Variants in BICC1 observed in about 807,000 individuals in gnomAD.
BICC1 encodes BicC family RNA binding protein 1.
Under a neutral mutation model 111.0 loss-of-function variants are expected in BICC1, and 43 were observed. The observed-to-expected ratio is 0.39, with a 90% CI of 0.30 to 0.50. BICC1 has a LOEUF of 0.50. BICC1 is among the 20% of genes least tolerant of loss of function. BICC1 has a pLI of 0.88. For missense variants in BICC1, 1,091 were observed against 1,203.2 expected (o/e 0.91, Z 1.38); for synonymous variants, 467 against 434.4 (o/e 1.07, Z -0.93).
At chr10:58,737,530 G>A (rs1259721217) in intron 3 of BICC1, among the ~76,000 whole-genome samples, 5 of 152,088 alleles carry the variant, frequency 3.3e-5, no homozygotes, top group African/African-American at 1.2e-4. Context: ...CCAAGTCTTC[G>A]CTATTGTGAA....
chr10:58,530,345 T>C (rs1281134032), intron 1 of BICC1, among the ~76,000 whole-genome samples: 1 of 151,868 alleles, frequency 6.6e-6, no homozygotes, highest in Non-Finnish European at 1.5e-5. Flanking sequence ...CCAGAAGCTA[T>C]ATCCCTAAAT....
intron 1 of BICC1, among the ~76,000 whole-genome samples, chr10:58,581,638 G>C (rs10763556): frequency 8.6e-5 from 13 of 151,790 alleles, no homozygotes; most frequent in African/African-American, 2.7e-4. Flanking sequence ...CAACATTAAC[G>C]ATCCACGTGT....
At chr10:58,727,741 A>G (rs1397165701) in intron 3 of BICC1, among the ~76,000 whole-genome samples, 4 of 152,238 alleles carry the variant, frequency 2.6e-5, no homozygotes, top group Non-Finnish European at 4.4e-5. Flanking sequence ...AGCAAACCTG[A>G]TTAATGTCAG....
intron 1 of BICC1, among the ~76,000 whole-genome samples, chr10:58,545,309 AAG>A (rs1426988124): frequency 9.2e-5 from 14 of 152,176 alleles, no homozygotes; most frequent in Admixed American, 3.9e-4. Flanking sequence ...AAAGGAAAAA[AAG>A]AAATTAGTTT....
At chr10:58,827,868 GA>G (rs1220522141) in intron 20 of BICC1, among the ~76,000 whole-genome samples, 1 of 152,130 alleles carries the variant, frequency 6.6e-6, no homozygotes, top group Non-Finnish European at 1.5e-5. Context: ...TACTATGCCT[GA>G]AACAGCAAGA....
intron 3 of BICC1, among the ~76,000 whole-genome samples, chr10:58,719,494 TTACA>T (rs1412897541): frequency 7.7e-6 from 1 of 130,594 alleles, no homozygotes; most frequent in Non-Finnish European, 1.6e-5. Context: ...TTATTCATGC[TTACA>T]TTTGGGCACT....
intron 2 of BICC1, among the ~76,000 whole-genome samples, chr10:58,680,040 A>T (rs1423293809): frequency 6.6e-6 from 1 of 152,218 alleles, no homozygotes; most frequent in Non-Finnish European, 1.5e-5. Flanking sequence ...AACGTATCTC[A>T]AAATAATGAG....
At chr10:58,665,958 T>TA (rs1358192684) in intron 2 of BICC1, among the ~76,000 whole-genome samples, 1 of 152,214 alleles carries the variant, frequency 6.6e-6, no homozygotes, top group South Asian at 2.1e-4. Context: ...ACATCCAGTT[T>TA]ACCCTCTTGC....
rs149019998 is a variant in BICC1 at position 58,517,551 on chromosome 10, G to A, written c.190+4218G>A. Among the ~76,000 whole-genome samples the A allele has an allele frequency of 2.6e-5, 4 of 152,310 alleles. No individual in the cohort carries two copies. The East Asian group carries it at 7.7e-4, about 29-fold the overall frequency. On this transcript the variant is annotated intron_variant, in intron 1 of 20. Transcript: ENST00000373886. Reference sequence around the variant, plus strand: ...GGAGTACTGAAAGTGAAGATAAAGAGTAAAGCTTAAATAAACAGAGTTTTC... The same window carrying A: ...GGAGTACTGAAAGTGAAGATAAAGAATAAAGCTTAAATAAACAGAGTTTTC...
chr10:58,648,351 T>A (rs1249029518), intron 2 of BICC1, among the ~76,000 whole-genome samples: 1 of 152,198 alleles, frequency 6.6e-6, no homozygotes, highest in Admixed American at 6.5e-5. Context: ...CTTGTACTGA[T>A]CCTTCAGTGT....
intron 19 of BICC1, among the ~76,000 whole-genome samples, 183 bp downstream of exon 19, chr10:58,817,905 C>T (rs953262019): frequency 6.6e-6 from 1 of 152,110 alleles, no homozygotes; most frequent in South Asian, 2.1e-4. Flanking sequence ...CTAGTAAACA[C>T]GGGATAGCAG....
In BICC1 at chr10:58,803,242, G is replaced by A. The variant is rs1564623365; in HGVS notation, c.2181G>A (p.Gln727=). 4 of 1,582,778 alleles carry A rather than the reference G, an allele frequency of 2.5e-6. No individual in the cohort carries two copies. Among genetic ancestry groups the A allele is most frequent in the Non-Finnish European group, 2.6e-6 (3 of 1,163,076 alleles). Reference sequence around the variant, plus strand: ...CACGGTCATCATATGTCAACATGCAGGTAATGGTAATAAAATAGGAAAGCC... The same window carrying A: ...CACGGTCATCATATGTCAACATGCAAGTAATGGTAATAAAATAGGAAAGCC... ...LAPRSSYVNM[Q]AFDYEQKKLL... is the part of the protein sequence containing the mutation. Residue 727 remains glutamine, a splice_region_variant and synonymous_variant, in exon 15 of 21, where the codon CAG becomes CAA. Coordinates refer to ENST00000373886, the MANE Select transcript of BICC1 (RefSeq NM_001080512.3).
chr10:58,629,022 G>C (rs756276936), intron 2 of BICC1, among the ~76,000 whole-genome samples: 14 of 152,114 alleles, frequency 9.2e-5, no homozygotes, highest in Non-Finnish European at 1.8e-4. Context: ...GCCTCACTCT[G>C]GGAGATTTCA....
rs1278486180 is a variant in BICC1 at position 58,789,421 on chromosome 10, G to A, written c.760G>A (p.Val254Ile). 2 of 1,614,004 alleles carry A rather than the reference G, an allele frequency of 1.2e-6. No homozygotes were observed. Among genetic ancestry groups the A allele is most frequent in the Non-Finnish European group, 1.7e-6 (2 of 1,179,948 alleles). The part of the protein sequence containing the change: ...RSRMYGATVI[V>I]RGSQNNTSAV... The stretch of plus-strand genomic sequence containing the variant: ...CCGAATGTATGGTGCTACTGTCATA[G>A]TACGAGGGTCTCAGAATAACACTAG... The change falls in exon 7 of 21, where the codon GTA becomes ATA. Residue 254 changes from valine (V) to isoleucine (I), a missense_variant. By Grantham distance (29) the Val-to-Ile change is conservative (BLOSUM62 3). This residue lies in a region of BICC1 where 843 missense variants were observed against 900.8 expected (regional missense o/e 0.94). Coordinates refer to ENST00000373886, the MANE Select transcript of BICC1 (RefSeq NM_001080512.3).
intron 1 of BICC1, among the ~76,000 whole-genome samples, chr10:58,586,715 C>T (rs1040363178): frequency 2.6e-5 from 4 of 151,844 alleles, no homozygotes; most frequent in Non-Finnish European, 5.9e-5. Context: ...ATACTACAGA[C>T]TACATACATA....
intron 17 of BICC1, among the ~76,000 whole-genome samples, chr10:58,813,134 A>G (rs566040457): frequency 1.3e-5 from 2 of 152,312 alleles, no homozygotes; most frequent in African/African-American, 4.8e-5. Context: ...CCTAATGAAC[A>G]TAATATTTTG....
intron 1 of BICC1, among the ~76,000 whole-genome samples, chr10:58,543,158 A>G (rs1843041149): frequency 1.3e-5 from 2 of 152,136 alleles, no homozygotes; most frequent in South Asian, 4.1e-4. Context: ...AATGTGATAT[A>G]GACATACAAT....
chr10:58,674,661 A>C (rs1326422860), intron 2 of BICC1, among the ~76,000 whole-genome samples: 1 of 152,212 alleles, frequency 6.6e-6, no homozygotes, highest in Non-Finnish European at 1.5e-5. Context: ...ATAAGAGGTG[A>C]TATAGCAGCT....
chr10:58,732,439 A>G (rs1389731231), intron 3 of BICC1, among the ~76,000 whole-genome samples: 5 of 113,928 alleles, frequency 4.4e-5, no homozygotes, highest in Non-Finnish European at 8.7e-5. Context: ...ATATATATAT[A>G]TACTGGTCAG....
Sources: allele counts gnomAD v4.1 joint callset (sites outside exome capture counted in the v4.1 genomes callset), GRCh38; gene constraint gnomAD v4.1.1; regional missense constraint gnomAD v4.1.1; transcripts MANE v1.5; gene names NCBI Gene and HGNC (gene_info 2026-07-23, HGNC 2026-07-21).